Variants in TMEM132C observed in about 807,000 individuals in gnomAD.
The protein encoded by TMEM132C is protein phosphatase 1, regulatory subunit 152.
In TMEM132C, 29 loss-of-function variants were observed where a neutral mutation model predicts 61.4. The ratio of observed to expected loss-of-function variants is 0.47; its 90% confidence interval spans 0.35 to 0.64. The LOEUF (loss-of-function observed/expected upper bound fraction) is 0.64, where lower values mean the gene tolerates loss of function less well. Ranked by LOEUF, TMEM132C falls within the 30% of genes least tolerant of loss-of-function variation. TMEM132C has a pLI of 0.00. For synonymous variants in TMEM132C, 656 were observed against 633.1 expected, an observed-to-expected ratio of 1.04 and a Z score of -0.54; for missense variants, 1,408 against 1,476.9, an observed-to-expected ratio of 0.95 and a Z score of 0.76.
chr12:128,410,166 GAACA>G (rs1463711075), intron 1 of TMEM132C, among the ~76,000 whole-genome samples: 1 of 151,844 alleles, frequency 6.6e-6, no homozygotes, highest in Non-Finnish European at 1.5e-5. Flanking sequence ...TTATTTCAAC[GAACA>G]GTTTTATTTT....
chr12:128,675,762 A>T (rs566994228), intron 5 of TMEM132C, among the ~76,000 whole-genome samples: 146 of 152,250 alleles, frequency 9.6e-4, no homozygotes, highest in Non-Finnish European at 1.8e-3. Context: ...AAGATAGGTG[A>T]TTAATAGATT....
chr12:128,456,894 T>C (rs1275816769), intron 2 of TMEM132C, among the ~76,000 whole-genome samples: 1 of 152,214 alleles, frequency 6.6e-6, no homozygotes, highest in African/African-American at 2.4e-5. Context: ...TTTAACTTCA[T>C]ATAAGTGGAT....
intron 1 of TMEM132C, among the ~76,000 whole-genome samples, chr12:128,332,844 G>C (rs1389315618): frequency 1.4e-5 from 2 of 139,248 alleles, no homozygotes; most frequent in African/African-American, 6.9e-5. Flanking sequence ...GAGTTGCAGT[G>C]GCTCTTGCCA....
At chr12:128,591,376 T>G (rs1875744160) in intron 3 of TMEM132C, among the ~76,000 whole-genome samples, 3 of 152,184 alleles carry the variant, frequency 2.0e-5, no homozygotes, top group East Asian at 1.9e-4. Context: ...TGTAGCCTTT[T>G]GTTACTGGTG....
At chr12:128,516,748 CA>C (rs1003168214) in intron 2 of TMEM132C, among the ~76,000 whole-genome samples, 5 of 151,866 alleles carry the variant, frequency 3.3e-5, no homozygotes, top group African/African-American at 1.2e-4. Flanking sequence ...TCCACCTCTA[CA>C]AAAAAAATTT....
chr12:128,698,184 G>T (rs1049348372), intron 8 of TMEM132C, among the ~76,000 whole-genome samples: 25 of 118,884 alleles, frequency 2.1e-4, no homozygotes, highest in Non-Finnish European at 3.3e-4. Context: ...TCTTAGAATT[G>T]ACCATCACAG....
In TMEM132C at chr12:128,431,894, G is replaced by A. The variant is rs147695477; in HGVS notation, c.974+16274G>A. Among the ~76,000 whole-genome samples the A allele has an allele frequency of 3.5e-4, 53 of 152,176 alleles. 1 individual carries two copies. The highest frequency in any genetic ancestry group is 1.3e-3 in the African/African-American group (52 of 41,522). ...CTGGCTTTAAAGCTTCAAAGAGCAG[G>A]CTAACTCTCTCCTTAGGAGCTAATG... On this transcript the variant is annotated intron_variant, in intron 2 of 8. Coordinates refer to ENST00000435159, the MANE Select transcript of TMEM132C (RefSeq NM_001136103.3).
chr12:128,584,695 T>G (rs929581402), intron 3 of TMEM132C, among the ~76,000 whole-genome samples: 4 of 152,220 alleles, frequency 2.6e-5, no homozygotes, highest in Non-Finnish European at 5.9e-5. Context: ...GTGGCACCCA[T>G]TGAGGCCACC....
intron 2 of TMEM132C, among the ~76,000 whole-genome samples, chr12:128,416,767 T>A (rs1268083175): frequency 6.6e-6 from 1 of 152,254 alleles, no homozygotes; most frequent in African/African-American, 2.4e-5. Flanking sequence ...CATCTTGTCA[T>A]GATCTCTATA....
At chr12:128,285,783 C>A in intron 1 of TMEM132C, among the ~76,000 whole-genome samples, 1 of 93,412 alleles carries the variant, frequency 1.1e-5, no homozygotes. Flanking sequence ...CTCTCTCTCT[C>A]TCTCTCCCCA....
At chr12:128,572,246 G>A (rs1273719414) in intron 3 of TMEM132C, among the ~76,000 whole-genome samples, 7 of 145,650 alleles carry the variant, frequency 4.8e-5, no homozygotes, top group Admixed American at 4.8e-4. Context: ...CAGGCCCACT[G>A]TGGTCTCTGC....
chr12:128,411,342 T>G (rs1868530918), intron 1 of TMEM132C, among the ~76,000 whole-genome samples: 1 of 152,244 alleles, frequency 6.6e-6, no homozygotes, highest in Admixed American at 6.5e-5. Context: ...CAATCACTAC[T>G]GTGAATGTTG....
At chr12:128,666,491 A>G (rs1954475944) in intron 4 of TMEM132C, among the ~76,000 whole-genome samples, 1 of 152,240 alleles carries the variant, frequency 6.6e-6, no homozygotes, top group Non-Finnish European at 1.5e-5. Flanking sequence ...ATGAACTAAG[A>G]CAGTCTAGGA....
chr12:128,595,721 A>C (rs749799552), intron 3 of TMEM132C, among the ~76,000 whole-genome samples: 1 of 152,138 alleles, frequency 6.6e-6, no homozygotes, highest in Admixed American at 6.5e-5. Flanking sequence ...GGCACTGACA[A>C]ATGCAGCCCT....
chr12:128,432,744 C>T (rs1869435742), intron 2 of TMEM132C, among the ~76,000 whole-genome samples: 1 of 152,168 alleles, frequency 6.6e-6, no homozygotes, highest in South Asian at 2.1e-4. Context: ...TGTAATAGTA[C>T]ATAAACTTAG....
chr12:128,705,411 G>C lies in TMEM132C; in HGVS notation c.2443G>C (p.Asp815His). ...DSSPGGDYEE[D>H]EIKNHASDRR... The stretch of plus-strand genomic sequence containing the variant: ...CAGCCCCGGCGGGGACTATGAGGAA[G>C]ATGAGATCAAGAACCACGCCAGCGA... The change falls in exon 9 of 9, where the codon GAT (aspartate) becomes CAT (histidine). Residue 815 changes from aspartate (D) to histidine (H), a missense_variant. Transcript: ENST00000435159. 1 of 1,551,100 alleles carries C rather than the reference G, an allele frequency of 6.4e-7. No individual in the cohort carries two copies.
At chr12:128,593,628 G>A (rs571679775) in intron 3 of TMEM132C, among the ~76,000 whole-genome samples, 7 of 152,304 alleles carry the variant, frequency 4.6e-5, no homozygotes, top group East Asian at 1.9e-4. Context: ...GCAGGAGGCC[G>A]GTGCCTACTT....
intron 1 of TMEM132C, among the ~76,000 whole-genome samples, chr12:128,301,834 G>T (rs753876062): frequency 2.6e-5 from 4 of 152,188 alleles, no homozygotes; most frequent in Non-Finnish European, 5.9e-5. Context: ...AGGTTTAATG[G>T]ACTCGCAGTT....
intron 1 of TMEM132C, among the ~76,000 whole-genome samples, chr12:128,405,291 C>A (rs1875302286): frequency 6.6e-6 from 1 of 152,132 alleles, no homozygotes; most frequent in East Asian, 1.9e-4. Context: ...AATCTGCTAC[C>A]TCTGGGCTTC....
Sources: gnomAD v4.1 joint callset for allele counts (sites outside exome capture counted in the v4.1 genomes callset) on GRCh38, gnomAD v4.1.1 for gene constraint, MANE v1.5 for transcripts, NCBI Gene and HGNC (gene_info 2026-07-23, HGNC 2026-07-21) for gene names.